RGS12: variants seen among roughly 807,000 people sequenced by gnomAD.
RGS12 encodes the protein regulator of G-protein signaling 12.
A neutral mutation model predicts 120.1 loss-of-function variants in RGS12; 66 were observed. That is an observed-to-expected ratio of 0.55 (90% CI 0.45 to 0.67). The LOEUF (loss-of-function observed/expected upper bound fraction) is 0.67, where lower values mean the gene tolerates loss of function less well. RGS12 is among the 30% of genes least tolerant of loss of function. The pLI, the probability that RGS12 is intolerant of heterozygous loss-of-function variation, is 0.00. For missense variants in RGS12, 1,859 were observed against 1,957.7 expected (o/e 0.95, Z 0.95); for synonymous variants, 827 against 804.7 (o/e 1.03, Z -0.47).
rs1393717669 is a variant in RGS12, at chr4:3,390,180, A to G, written c.2020+3743A>G. Among the ~76,000 whole-genome samples the G allele has an allele frequency of 6.6e-6, 1 of 152,190 alleles. No homozygotes were observed. Among genetic ancestry groups the G allele is most frequent in the East Asian group, 1.9e-4 (1 of 5,196 alleles). The stretch of plus-strand genomic sequence containing the variant: ...CCTGGTCTCCAATGGTGCCTCAGGC[A>G]CATGCGGTTTCCCTCTTCCCTTCCT... On this transcript the variant is annotated intron_variant, in intron 4 of 17. Coordinates refer to ENST00000336727, the MANE Select transcript of RGS12 (RefSeq NM_001394154.1). This position sits in a 1 kb window ranked among gnomAD's most constrained non-coding sequence, Gnocchi z 4.6.
chr4:3,387,450 A>G (rs60881721), intron 4 of RGS12, among the ~76,000 whole-genome samples: 10,632 of 152,290 alleles, frequency 0.07, 1,199 homozygotes, highest in African/African-American at 0.24. Context: ...CCAGGTGGGC[A>G]GACAGAGCTC....
At chr4:3,348,536 C>T (rs1464917315) in intron 3 of RGS12, among the ~76,000 whole-genome samples, 6 of 151,960 alleles carry the variant, frequency 3.9e-5, no homozygotes, top group African/African-American at 4.8e-5. Context: ...GAGTGCGCAC[C>T]GTATTATAGA....
At chr4:3,434,301 C>A (rs1724607230) in intron 17 of RGS12, among the ~76,000 whole-genome samples, 1 of 152,160 alleles carries the variant, frequency 6.6e-6, no homozygotes, top group South Asian at 2.1e-4. Flanking sequence ...CCCCCATGAT[C>A]CAGTCACCTC....
intron 1 of RGS12, among the ~76,000 whole-genome samples, chr4:3,311,546 C>T (rs1335835655): frequency 6.6e-6 from 1 of 152,090 alleles, no homozygotes; most frequent in Non-Finnish European, 1.5e-5. Context: ...TCCAGATGCT[C>T]CAGAATCGGA....
At chr4:3,406,917 T>G (rs1181812543) in intron 4 of RGS12, among the ~76,000 whole-genome samples, 2 of 152,246 alleles carry the variant, frequency 1.3e-5, no homozygotes, top group African/African-American at 2.4e-5. Flanking sequence ...TGGTCCAGTT[T>G]GGTATAGTTG....
chr4:3,420,745 C>T (rs1722929602), intron 10 of RGS12, 27 bp downstream of exon 10: 2 of 1,590,558 alleles, frequency 1.3e-6, no homozygotes. Context: ...CCTCGTCCCA[C>T]AGGCCTCAGG....
chr4:3,372,096 C>T lies in RGS12; in HGVS notation c.1999-14320C>T, dbSNP rs959108116. On this transcript the variant is annotated intron_variant, in intron 3 of 17. Coordinates refer to ENST00000336727, the MANE Select transcript of RGS12 (RefSeq NM_001394154.1). The surrounding 1 kb of genome is among the most constrained non-coding windows in gnomAD (Gnocchi z 4.3). ...TCATCCTGTTTCATAAACCATGTGG[C>T]GTCAGGTGTTGCAGGCTCTGACACT... is the stretch of plus-strand genomic sequence containing the variant. Among the ~76,000 whole-genome samples the T allele has an allele frequency of 1.3e-5, 2 of 152,176 alleles. No individual in the cohort carries two copies. The highest frequency in any genetic ancestry group is 6.5e-5 in the Admixed American group (1 of 15,284).
intron 2 of RGS12, among the ~76,000 whole-genome samples, chr4:3,333,785 C>T (rs142396447): frequency 4.3e-4 from 66 of 152,258 alleles, no homozygotes; most frequent in African/African-American, 9.1e-4. Context: ...GCTTGGGCCT[C>T]GCTGTTTTAT....
At chr4:3,348,962 C>G (rs934413834) in intron 3 of RGS12, among the ~76,000 whole-genome samples, 2 of 152,080 alleles carry the variant, frequency 1.3e-5, no homozygotes, top group Non-Finnish European at 2.9e-5. Context: ...TAACCTCATA[C>G]GAGGGAAATT....
At chr4:3,423,123 A>T in intron 12 of RGS12, 145 bp downstream of exon 12, 1 of 683,282 alleles carries the variant, frequency 1.5e-6, no homozygotes, top group Middle Eastern at 2.6e-4. Context: ...GGGAGGGTGG[A>T]GGCCCACACG....
intron 3 of RGS12, among the ~76,000 whole-genome samples, chr4:3,351,885 G>C (rs896984047): frequency 3.3e-5 from 5 of 152,134 alleles, no homozygotes; most frequent in Non-Finnish European, 7.4e-5. Flanking sequence ...AGGGAGTTTA[G>C]ACTGGTGCCT....
intron 1 of RGS12, among the ~76,000 whole-genome samples, chr4:3,310,066 G>A (rs185116764): frequency 1.8e-5 from 2 of 108,646 alleles, no homozygotes; most frequent in African/African-American, 4.4e-5. Flanking sequence ...GGAACCGTGT[G>A]GGGGAGGAGC....
intron 3 of RGS12, among the ~76,000 whole-genome samples, chr4:3,382,058 A>G (rs1718315707): frequency 6.6e-6 from 1 of 152,224 alleles, no homozygotes; most frequent in African/African-American, 2.4e-5. Flanking sequence ...TCACCGTTCA[A>G]GGGCGGTTGA....
At chr4:3,309,712 A>G (rs1337517593) in intron 1 of RGS12, among the ~76,000 whole-genome samples, 1 of 125,998 alleles carries the variant, frequency 7.9e-6, no homozygotes, top group Non-Finnish European at 1.6e-5. Context: ...AGGAGCTGGG[A>G]CCTGGGAATG....
At position 3,439,556 on chromosome 4, in the gene RGS12, G is replaced by A. The variant is rs764580967; in HGVS notation, c.4216G>A (p.Ala1406Thr). 8.1e-6 allele frequency: 13 copies of A among 1,612,210 alleles called. No individual in the cohort carries two copies. Among genetic ancestry groups the A allele is most frequent in the South Asian group, 2.2e-5 (2 of 91,022 alleles). The change falls in exon 18 of 18, where the codon GCA (alanine) becomes ACA (threonine). Residue 1406 changes from alanine (A) to threonine (T), a missense_variant. Transcript: ENST00000336727. ...APGRDGGIAGAQAGPGRSQAS... is the reference protein window; with the variant it reads ...APGRDGGIAGTQAGPGRSQAS... ...CGGGCGGGATGGTGGCATAGCGGGG[G>A]CACAGGCTGGCCCTGGGAGGTCGCA...
chr4:3,431,316 G>A (rs1027473936), intron 17 of RGS12: 12 of 1,108,932 alleles, frequency 1.1e-5, no homozygotes, highest in Middle Eastern at 3.9e-4. Context: ...GACAGCGATC[G>A]TTTTTAGTGT....
At chr4:3,431,065 C>T (rs920522414) in intron 17 of RGS12, 110 bp downstream of exon 17, 54 of 1,480,780 alleles carry the variant, frequency 3.6e-5, no homozygotes, top group Admixed American at 1.8e-4. Flanking sequence ...TGGTGGTCTC[C>T]GTGACCCCCT....
At chr4:3,406,670 G>A (rs1017774476) in intron 4 of RGS12, among the ~76,000 whole-genome samples, 1 of 152,250 alleles carries the variant, frequency 6.6e-6, no homozygotes, top group African/African-American at 2.4e-5. Context: ...GGCCTCACCT[G>A]TGGTGTTAGC....
In RGS12 at chr4:3,317,443, G is replaced by A. The variant is rs757227717; in HGVS notation, c.1273G>A (p.Gly425Ser). 1.4e-5 allele frequency: 22 copies of A among 1,613,956 alleles called. No individual in the cohort carries two copies. Among genetic ancestry groups the A allele is most frequent in the Admixed American group, 5.0e-5 (3 of 60,010 alleles). The part of the protein sequence containing the change: ...NNSTSSNSDS[G>S]IGNFHQEEKS... The stretch of plus-strand genomic sequence containing the variant: ...CAGCACCAGCAGCAACAGTGACAGC[G>A]GCATTGGGAACTTCCACCAGGAGGA... The change falls in exon 2 of 18, where the codon GGC becomes AGC. Residue 425 changes from glycine to serine, a missense_variant. By Grantham distance (56) the Gly-to-Ser change is moderately conservative. Around this residue, in one of 3 missense-constraint regions of RGS12, gnomAD observed 967 missense variants for 994.2 expected, o/e 0.97. Coordinates refer to ENST00000336727, the MANE Select transcript of RGS12 (RefSeq NM_001394154.1).
Sources: allele counts gnomAD v4.1 joint callset (sites outside exome capture counted in the v4.1 genomes callset), GRCh38; gene constraint gnomAD v4.1.1; regional missense constraint gnomAD v4.1.1; non-coding constraint Gnocchi (gnomAD v3.1); transcripts MANE v1.5; gene names NCBI Gene and HGNC (gene_info 2026-07-23, HGNC 2026-07-21).